The following PARD3 variants were observed in gnomAD, a reference collection of about 807,000 sequenced individuals.
PARD3 encodes partitioning defective 3 homolog.
In PARD3, 75 loss-of-function variants were observed where a neutral mutation model predicts 155.4. The ratio of observed to expected loss-of-function variants is 0.48; its 90% CI spans 0.40 to 0.58. The LOEUF (loss-of-function observed/expected upper bound fraction) is 0.58, where lower values mean the gene tolerates loss of function less well. PARD3 is among the 20% of genes least tolerant of loss of function. The pLI, the probability that PARD3 is intolerant of heterozygous loss-of-function variation, is 0.00. For missense variants in PARD3, 1,642 were observed against 1,721.7 expected (o/e 0.95, Z 0.82); for synonymous variants, 576 against 610.5 (o/e 0.94, Z 0.83).
intron 3 of PARD3, among the ~76,000 whole-genome samples, chr10:34,492,617 C>T (rs1470922948): frequency 6.6e-6 from 1 of 152,212 alleles, no homozygotes; most frequent in Non-Finnish European, 1.5e-5. Flanking sequence ...TGTCCTACCA[C>T]ATGGCTATTA....
intron 5 of PARD3, among the ~76,000 whole-genome samples, chr10:34,440,821 C>G (rs975951030): frequency 1.3e-5 from 2 of 152,010 alleles, no homozygotes; most frequent in Non-Finnish European, 2.9e-5. Context: ...ATTCATATCA[C>G]GAAGGGACCC....
intron 20 of PARD3, among the ~76,000 whole-genome samples, chr10:34,292,428 T>C (rs1020664250): frequency 1.3e-5 from 2 of 151,726 alleles, no homozygotes; most frequent in African/African-American, 2.4e-5. Flanking sequence ...GAAGAGGAGG[T>C]TGATTATGAA....
chr10:34,668,496 A>T (rs2093545106), intron 2 of PARD3, among the ~76,000 whole-genome samples: 1 of 152,208 alleles, frequency 6.6e-6, no homozygotes, highest in African/African-American at 2.4e-5. Context: ...TTCAAAATCC[A>T]GGAAGAGCAG....
At chr10:34,745,657 T>C (rs1835216590) in intron 1 of PARD3, among the ~76,000 whole-genome samples, 1 of 152,130 alleles carries the variant, frequency 6.6e-6, no homozygotes, top group Non-Finnish European at 1.5e-5. Flanking sequence ...TAAAAAATTG[T>C]AGCTGGGCAC....
chr10:34,220,851 A>G (rs183880587), intron 22 of PARD3, among the ~76,000 whole-genome samples: 135 of 152,330 alleles, frequency 8.9e-4, no homozygotes, highest in African/African-American at 3.0e-3. Context: ...TGACTAATAA[A>G]GCCTACCCAA....
At chr10:34,629,164 C>A (rs1467561033) in intron 2 of PARD3, among the ~76,000 whole-genome samples, 1 of 152,188 alleles carries the variant, frequency 6.6e-6, no homozygotes, top group Non-Finnish European at 1.5e-5. Flanking sequence ...TCTGCCCATA[C>A]ACTGTGGACA....
At chr10:34,755,677 G>A (rs183598284) in intron 1 of PARD3, among the ~76,000 whole-genome samples, 59 of 152,230 alleles carry the variant, frequency 3.9e-4, no homozygotes, top group African/African-American at 1.3e-3. Flanking sequence ...CTCTCCTCAA[G>A]AATATGGATA....
chr10:34,627,999 A>C (rs1176310301), intron 2 of PARD3, among the ~76,000 whole-genome samples: 2 of 152,118 alleles, frequency 1.3e-5, no homozygotes, highest in African/African-American at 4.8e-5. Context: ...AAGCCCAGGC[A>C]GAAGAGGTGC....
chr10:34,393,373 A>G (rs2132108231), intron 7 of PARD3, among the ~76,000 whole-genome samples: 1 of 152,114 alleles, frequency 6.6e-6, no homozygotes, highest in Middle Eastern at 3.4e-3. Flanking sequence ...TGAGCCCAAG[A>G]GTTTGAGACG....
At chr10:34,615,840 ATG>A (rs529329165) in intron 2 of PARD3, among the ~76,000 whole-genome samples, 77 of 152,314 alleles carry the variant, frequency 5.1e-4, no homozygotes, top group African/African-American at 1.7e-3. Flanking sequence ...ATATGAAAAT[ATG>A]TTCAACATCA....
intron 2 of PARD3, among the ~76,000 whole-genome samples, chr10:34,600,067 G>T (rs1046988922): frequency 7.9e-5 from 12 of 151,942 alleles, no homozygotes; most frequent in Non-Finnish European, 2.9e-5. Context: ...AGGCTCAGTG[G>T]CTCATGGCTA....
chr10:34,460,162 T>C (rs1321182558), intron 4 of PARD3, among the ~76,000 whole-genome samples: 1 of 152,106 alleles, frequency 6.6e-6, no homozygotes, highest in Non-Finnish European at 1.5e-5. Flanking sequence ...ACCACCCCAT[T>C]AGCAGAAAAA....
At chr10:34,501,460 G>C (rs930753827) in intron 3 of PARD3, among the ~76,000 whole-genome samples, 1 of 152,090 alleles carries the variant, frequency 6.6e-6, no homozygotes, top group African/African-American at 2.4e-5. Flanking sequence ...CTGCAGAACA[G>C]TGAGCCAATG....
intron 14 of PARD3, among the ~76,000 whole-genome samples, chr10:34,355,748 G>A (rs1838732504): frequency 6.6e-6 from 1 of 151,782 alleles, no homozygotes; most frequent in Admixed American, 6.6e-5. Flanking sequence ...CCAACATGGT[G>A]AAACCCCATC....
chr10:34,727,878 CCACACACACACACACACACA>C (rs61342514), intron 1 of PARD3, among the ~76,000 whole-genome samples: 2 of 144,722 alleles, frequency 1.4e-5, no homozygotes, highest in South Asian at 2.2e-4. Context: ...CCTCCCTCCG[CCACACACACACACACACACA>C]CACACACACC....
At position 34,481,281 on chromosome 10, in the gene PARD3, T is replaced by A. The variant is rs188322554; in HGVS notation, c.404-11018A>T. Among the ~76,000 whole-genome samples the A allele has an allele frequency of 1.0e-3, 155 of 152,168 alleles. 1 individual carries two copies. In the East Asian group the frequency reaches 0.018, roughly 18 times the overall value. On this transcript the variant is annotated intron_variant, in intron 3 of 24. Coordinates refer to ENST00000374788, the MANE Select transcript of PARD3 (RefSeq NM_001184785.2). ...CTCTCCACCCTCATGTAGGCCCCAG[T>A]GTGTGTTCAGGGACTCCTTTCCTTT...
chr10:34,658,067 A>G (rs2093225949), intron 2 of PARD3, among the ~76,000 whole-genome samples: 1 of 151,482 alleles, frequency 6.6e-6, no homozygotes, highest in Non-Finnish European at 1.5e-5. Flanking sequence ...AATGGCCTGA[A>G]CCTGGGAGGC....
chr10:34,550,128 T>C (rs1006008150), intron 2 of PARD3, among the ~76,000 whole-genome samples: 1 of 152,170 alleles, frequency 6.6e-6, no homozygotes, highest in Admixed American at 6.5e-5. Flanking sequence ...CCGGAGCACA[T>C]GAATGTGCGA....
chr10:34,188,152 T>C (rs1254396161), intron 22 of PARD3, among the ~76,000 whole-genome samples: 2 of 152,198 alleles, frequency 1.3e-5, no homozygotes, highest in Non-Finnish European at 2.9e-5. Flanking sequence ...TAAGGCAATA[T>C]CATCAATTAC....
Sources: gnomAD v4.1 joint callset for allele counts (sites outside exome capture counted in the v4.1 genomes callset) on GRCh38, gnomAD v4.1.1 for gene constraint, MANE v1.5 for transcripts, NCBI Gene and HGNC (gene_info 2026-07-23, HGNC 2026-07-21) for gene names.